Variants in IGSF11 observed in about 807,000 individuals in gnomAD.
IGSF11 encodes CXADR like 1.
In IGSF11, 22 loss-of-function variants were observed where a neutral mutation model predicts 41.0. The ratio of observed to expected loss-of-function variants is 0.54; its 90% CI spans 0.38 to 0.77. The LOEUF is 0.77. IGSF11 is among the 30% of genes least tolerant of loss of function. IGSF11 has a pLI of 0.00. For synonymous variants in IGSF11, 219 were observed against 201.3 expected, an observed-to-expected ratio of 1.09 and a Z score of -0.74; for missense variants, 444 against 530.8, an observed-to-expected ratio of 0.84 and a Z score of 1.61.
In IGSF11 at chr3:119,142,805, A is replaced by G. The variant is rs577525971; in HGVS notation, c.-14+3008T>C. Among the ~76,000 whole-genome samples the G allele has an allele frequency of 3.3e-5, 5 of 152,316 alleles. No homozygotes were observed. The South Asian group carries it at 6.2e-4, about 19-fold the overall frequency. ...ATCCACACTGATACATGACAATAAA[A>G]CTTTCAAAAGAGAAAGACATTTTGA... On this transcript the variant is annotated intron_variant, in intron 1 of 7. Coordinates refer to the IGSF11 transcript ENST00000425327.
intron 1 of IGSF11, among the ~76,000 whole-genome samples, chr3:119,004,674 G>T (rs1045172330): frequency 1.3e-4 from 19 of 147,476 alleles, no homozygotes; most frequent in Non-Finnish European, 1.3e-4. Flanking sequence ...CTTTGTTCTC[G>T]TTGGTTTCAA....
chr3:119,040,668 G>T (rs1215115598), intron 1 of IGSF11, among the ~76,000 whole-genome samples: 2 of 152,090 alleles, frequency 1.3e-5, no homozygotes, highest in Non-Finnish European at 2.9e-5. Context: ...TGATCTACAA[G>T]GACAGGAACT....
At chr3:119,113,844 T>A (rs2107523296) in intron 1 of IGSF11, among the ~76,000 whole-genome samples, 1 of 152,356 alleles carries the variant, frequency 6.6e-6, no homozygotes, top group South Asian at 2.1e-4. Flanking sequence ...TCTGTCTGGA[T>A]ATCCAGGTAT....
intron 1 of IGSF11, among the ~76,000 whole-genome samples, chr3:119,023,541 A>AC (rs1939522682): frequency 1.3e-5 from 2 of 151,912 alleles, no homozygotes; most frequent in South Asian, 4.1e-4. Context: ...ACATGTACGC[A>AC]CCCCCCACAC....
chr3:118,916,053 T>C (rs1941042767), intron 4 of IGSF11, among the ~76,000 whole-genome samples: 1 of 148,404 alleles, frequency 6.7e-6, no homozygotes, highest in African/African-American at 2.6e-5. Flanking sequence ...GACAAGCAAA[T>C]GCTGAGAGAT....
chr3:119,055,127 A>G (rs936381099), intron 1 of IGSF11, among the ~76,000 whole-genome samples: 15 of 152,210 alleles, frequency 9.9e-5, no homozygotes, highest in Non-Finnish European at 4.4e-5. Context: ...CGTGACTGTT[A>G]GAAGGAAAAC....
At chr3:119,105,852 A>T (rs376714085), upstream of IGSF11, among the ~76,000 whole-genome samples, 2 of 152,136 alleles carry the variant, frequency 1.3e-5, no homozygotes, top group South Asian at 2.1e-4. Flanking sequence ...ACTTTAGTTA[A>T]GGTCCCTTTT....
At chr3:118,950,263 G>T (rs1406244523) in intron 1 of IGSF11, among the ~76,000 whole-genome samples, 1 of 152,058 alleles carries the variant, frequency 6.6e-6, no homozygotes, top group Non-Finnish European at 1.5e-5. Flanking sequence ...AGCCCTAAGG[G>T]ATCTGATCCG....
chr3:119,078,834 A>G (rs1451077698), intron 1 of IGSF11, among the ~76,000 whole-genome samples: 1 of 152,214 alleles, frequency 6.6e-6, no homozygotes, highest in Non-Finnish European at 1.5e-5. Flanking sequence ...ATGGTCTAAT[A>G]TCCAGAATCT....
chr3:118,922,405 A>T (rs1400173340), intron 4 of IGSF11, among the ~76,000 whole-genome samples: 1 of 124,180 alleles, frequency 8.1e-6, no homozygotes, highest in Admixed American at 7.7e-5. Flanking sequence ...TCACATAACT[A>T]CCTTTGTGTG....
chr3:118,972,067 G>A (rs1025265134), intron 1 of IGSF11, among the ~76,000 whole-genome samples: 3 of 152,102 alleles, frequency 2.0e-5, no homozygotes, highest in African/African-American at 7.2e-5. Context: ...TCTTTAAGGA[G>A]AAATTCCCAA....
intron 1 of IGSF11, among the ~76,000 whole-genome samples, chr3:118,986,622 C>G (rs1214223322): frequency 6.6e-6 from 1 of 152,084 alleles, no homozygotes; most frequent in Non-Finnish European, 1.5e-5. Context: ...TGTAATATAG[C>G]CATGCATGTT....
At chr3:119,121,735 T>A (rs969399653) in intron 1 of IGSF11, among the ~76,000 whole-genome samples, 1 of 151,908 alleles carries the variant, frequency 6.6e-6, no homozygotes, top group Non-Finnish European at 1.5e-5. Context: ...TAGAATAAAC[T>A]CAGAGATTTC....
At chr3:118,956,544 C>G (rs549416363) in intron 1 of IGSF11, among the ~76,000 whole-genome samples, 2 of 152,248 alleles carry the variant, frequency 1.3e-5, no homozygotes, top group Admixed American at 1.3e-4. Flanking sequence ...AGGGAACAGG[C>G]AGGACAGAGG....
chr3:119,089,349 C>T (rs1264022667), intron 1 of IGSF11, among the ~76,000 whole-genome samples: 1 of 152,112 alleles, frequency 6.6e-6, no homozygotes, highest in African/African-American at 2.4e-5. Context: ...ACAATAGACA[C>T]AGAAAAGCTT....
intron 1 of IGSF11, among the ~76,000 whole-genome samples, chr3:119,116,301 G>A (rs2077255279): frequency 6.6e-6 from 1 of 151,640 alleles, no homozygotes; most frequent in African/African-American, 2.4e-5. Context: ...TTGGTCTTTT[G>A]CTCTTGGACT....
chr3:119,101,801 G>T (rs560821092), intron 1 of IGSF11, among the ~76,000 whole-genome samples: 1 of 151,996 alleles, frequency 6.6e-6, no homozygotes, highest in Non-Finnish European at 1.5e-5. Context: ...TTCACTGGAC[G>T]GTATCTATTG....
At chr3:118,938,024 A>T (rs1238111392) in intron 1 of IGSF11, among the ~76,000 whole-genome samples, 3 of 145,138 alleles carry the variant, frequency 2.1e-5, no homozygotes, top group East Asian at 2.0e-4. Context: ...TCTCTCTCTC[A>T]TATATATATA....
chr3:119,101,440 T>C (rs1576799337), intron 1 of IGSF11, among the ~76,000 whole-genome samples: 1 of 151,802 alleles, frequency 6.6e-6, no homozygotes, highest in South Asian at 2.1e-4. Flanking sequence ...ATCTGGGAGG[T>C]AGAAGTTGCA....
Sources: gnomAD v4.1 joint callset for allele counts (sites outside exome capture counted in the v4.1 genomes callset) on GRCh38, gnomAD v4.1.1 for gene constraint, MANE v1.5 for transcripts, NCBI Gene and HGNC (gene_info 2026-07-23, HGNC 2026-07-21) for gene names.